LRP5: variants seen among roughly 807,000 people sequenced by gnomAD.
LRP5 encodes low-density lipoprotein receptor-related protein 5.
LRP5 carries 62 observed loss-of-function variants against 154.1 expected under a neutral mutation model. The ratio of observed to expected loss-of-function variants is 0.40; its 90% confidence interval spans 0.33 to 0.50. The LOEUF (loss-of-function observed/expected upper bound fraction) is 0.50. Among genes scored for constraint, LRP5 ranks in the 20% least tolerant of loss-of-function variants. The pLI is 0.55. For synonymous variants in LRP5, 966 were observed against 1,011.5 expected (o/e 0.96, Z 0.85); for missense variants, 1,915 against 2,336.7 (o/e 0.82, Z 3.72).
At chr11:68,404,013 C>T in intron 8 of LRP5, 1 of 487,556 alleles carries the variant, frequency 2.1e-6, no homozygotes, top group Non-Finnish European at 3.8e-6. Context: ...AATGTAGTTC[C>T]TTGCCCTACT....
chr11:68,444,936 C>T (rs1159847694), intron 21 of LRP5, among the ~76,000 whole-genome samples: 3 of 151,992 alleles, frequency 2.0e-5, no homozygotes, highest in Non-Finnish European at 4.4e-5. Context: ...GCTCTCTGGG[C>T]CAAAGAGGAC....
In LRP5 at chr11:68,413,626, C is replaced by A; in HGVS notation, c.2504-63C>A. 3 of 1,467,062 alleles carry A rather than the reference C, an allele frequency of 2.0e-6. No individual in the cohort carries two copies. Among genetic ancestry groups the A allele is most frequent in the Non-Finnish European group, 2.9e-6 (3 of 1,048,834 alleles). 90.9% of individuals were successfully genotyped at this position (1,467,062 alleles called of 1,614,324 possible). On this transcript the variant is annotated intron_variant, in intron 11 of 22. Coordinates refer to ENST00000294304, the MANE Select transcript of LRP5 (RefSeq NM_002335.4). The surrounding 1 kb of genome is among the most constrained non-coding windows in gnomAD (Gnocchi z 5.1). ...TTGAACCCTGGCTCACCCCGCAGGGCGCCGTGTGCTCTGTGGCCTGGCTGT... is the reference window on the plus strand; with the variant it reads ...TTGAACCCTGGCTCACCCCGCAGGGAGCCGTGTGCTCTGTGGCCTGGCTGT...
At chr11:68,438,780 T>A (rs1309377964) in intron 20 of LRP5, 98 bp downstream of exon 20, 5 of 1,023,072 alleles carry the variant, frequency 4.9e-6, no homozygotes, top group Non-Finnish European at 7.3e-6. Context: ...CAGGCCCTCT[T>A]GCACATGTGG....
chr11:68,411,556 C>T lies in LRP5; in HGVS notation c.2439C>T (p.Tyr813=), dbSNP rs970624123. 9.3e-6 allele frequency: 15 copies of T among 1,613,764 alleles called. No homozygotes were observed. The highest frequency in any genetic ancestry group is 4.4e-5 in the South Asian group (4 of 91,086). ...VGRANDLTID[Y]ADQRLYWTDL... The stretch of plus-strand genomic sequence containing the variant: ...GGGCCAACGACCTCACCATTGACTA[C>T]GCTGACCAGCGCCTCTACTGGACCG... Residue 813 remains tyrosine (Y), a synonymous_variant, in exon 11 of 23, where the codon TAC becomes TAT. Transcript: ENST00000294304.
rs139812945 is a variant in LRP5 at position 68,387,622 on chromosome 11, C to T, written c.1412+910C>T. ...AAATCTGTGAAAGCAGATAGTTTGTCGGTCGGTAGGGGAGACTTTCTGAGA... is the reference window on the plus strand; with the variant it reads ...AAATCTGTGAAAGCAGATAGTTTGTTGGTCGGTAGGGGAGACTTTCTGAGA... On this transcript the variant is annotated intron_variant, in intron 6 of 22. Transcript: ENST00000294304. 6.0e-3 allele frequency among the ~76,000 whole-genome samples: 920 copies of T among 152,280 alleles called. 6 individuals are homozygous for T. Among genetic ancestry groups the T allele is most frequent in the Non-Finnish European group, 7.3e-3 (495 of 68,026 alleles).
In LRP5 at chr11:68,423,418, TGCCAGGGG is replaced by T. The variant is rs2098666945; in HGVS notation, c.3028-70_3028-63del. ...ACCAGTGCCCGGGGGTCTCCGCCAG[TGCCAGGGG>T]TCTCCGCCAGTGCCCAGGGGTCTCC... On this transcript the variant is annotated intron_variant, in intron 13 of 22. Coordinates refer to ENST00000294304, the MANE Select transcript of LRP5 (RefSeq NM_002335.4). This position sits in a 1 kb window ranked among gnomAD's most constrained non-coding sequence, Gnocchi z 4.7. The T allele has an allele frequency of 1.4e-6, 2 of 1,441,162 alleles. No homozygotes were observed. The highest frequency in any genetic ancestry group is 2.8e-5 in the African/African-American group (2 of 71,246). 89.3% of individuals were successfully genotyped at this position (1,441,162 alleles called of 1,614,324 possible).
chr11:68,375,163 C>T (rs536539775), intron 5 of LRP5, among the ~76,000 whole-genome samples: 6 of 152,358 alleles, frequency 3.9e-5, no homozygotes, highest in South Asian at 2.1e-4. Context: ...TTGCCCTTTC[C>T]GCATTTGGTG....
chr11:68,422,096 G>GT (rs201853042), intron 13 of LRP5, among the ~76,000 whole-genome samples: 2,794 of 151,658 alleles, frequency 0.018, 96 homozygotes, highest in African/African-American at 0.064. Context: ...CTGAGCTATT[G>GT]TTTTTTTTGT....
chr11:68,364,823 C>T (rs1389805012), intron 4 of LRP5, among the ~76,000 whole-genome samples: 11 of 151,384 alleles, frequency 7.3e-5, no homozygotes, highest in East Asian at 3.9e-4. Flanking sequence ...GTGAGAAAGT[C>T]GTGGTCACAA....
intron 11 of LRP5, among the ~76,000 whole-genome samples, chr11:68,411,873 C>G (rs763050396): frequency 1.3e-5 from 2 of 152,226 alleles, no homozygotes; most frequent in Non-Finnish European, 2.9e-5. Context: ...CTGCTGGGCA[C>G]TAGGTCCCAG....
chr11:68,425,952 C>T, intron 15 of LRP5, 26 bp from the exon 16 acceptor site: 2 of 1,601,388 alleles, frequency 1.2e-6, no homozygotes, highest in Non-Finnish European at 1.7e-6. Context: ...CAGCACTGCT[C>T]AGGGGGGCCC....
chr11:68,341,268 C>T (rs7947068), intron 1 of LRP5, among the ~76,000 whole-genome samples: 7,193 of 151,868 alleles, frequency 0.047, 574 homozygotes, highest in African/African-American at 0.16. Flanking sequence ...AGTTGACATT[C>T]GGTTTTTCAT....
intron 2 of LRP5, 145 bp from the exon 3 acceptor site, chr11:68,357,505 A>T: frequency 1.3e-6 from 1 of 770,216 alleles, no homozygotes; most frequent in Non-Finnish European, 2.3e-6. Flanking sequence ...AGGCAGGAAT[A>T]CCTGAAACCA....
chr11:68,373,131 C>T (rs1395583891), intron 5 of LRP5, among the ~76,000 whole-genome samples: 1 of 152,202 alleles, frequency 6.6e-6, no homozygotes, highest in Non-Finnish European at 1.5e-5. Context: ...TCAGGTGAGA[C>T]TCAAGGGTCC....
At chr11:68,426,611 C>T (rs182534906) in intron 16 of LRP5, among the ~76,000 whole-genome samples, 6 of 151,898 alleles carry the variant, frequency 4.0e-5, no homozygotes, top group East Asian at 1.9e-4. Context: ...TTTGTAGAGA[C>T]GGGGTTTCCC....
intron 2 of LRP5, among the ~76,000 whole-genome samples, chr11:68,349,065 C>T (rs995796992): frequency 3.5e-5 from 5 of 142,890 alleles, no homozygotes; most frequent in Non-Finnish European, 7.6e-5. Context: ...ATGGAGTCTC[C>T]CTTGTTGCCC....
chr11:68,416,415 C>G lies in LRP5; in HGVS notation c.2915C>G (p.Pro972Arg). 4 of 1,614,170 alleles carry G rather than the reference C, an allele frequency of 2.5e-6. No homozygotes were observed. Among genetic ancestry groups the G allele is most frequent in the Non-Finnish European group, 3.4e-6 (4 of 1,180,042 alleles). ...CAGCACAGCCCGGATCTCATCCTGC[C>G]CCTGCATGGACTGAGGAACGTCAAA... ...DDQHSPDLILPLHGLRNVKAI... is the reference protein window; with the variant it reads ...DDQHSPDLILRLHGLRNVKAI... Residue 972 changes from proline to arginine, a missense_variant, in exon 13 of 23, where the codon CCC becomes CGC. Around this residue, in one of 3 missense-constraint regions of LRP5, gnomAD observed 1,094 missense variants for 1,210.1 expected, o/e 0.90. Coordinates refer to ENST00000294304, the MANE Select transcript of LRP5 (RefSeq NM_002335.4).
chr11:68,445,593 G>T, intron 21 of LRP5: 1 of 1,316,846 alleles, frequency 7.6e-7, no homozygotes, highest in Non-Finnish European at 1.0e-6. Flanking sequence ...CTGGCTGTAT[G>T]CTTTCCAGGA....
intron 5 of LRP5, among the ~76,000 whole-genome samples, chr11:68,383,712 G>A (rs867217959): frequency 6.6e-6 from 1 of 152,256 alleles, no homozygotes; most frequent in Non-Finnish European, 1.5e-5. Flanking sequence ...ACCCCAGTGA[G>A]GGTGGCGCCC....
Sources: gnomAD v4.1 joint callset for allele counts (sites outside exome capture counted in the v4.1 genomes callset) on GRCh38, gnomAD v4.1.1 for gene constraint, gnomAD v4.1.1 regional missense constraint, Gnocchi (gnomAD v3.1) non-coding constraint, MANE v1.5 for transcripts, NCBI Gene and HGNC (gene_info 2026-07-23, HGNC 2026-07-21) for gene names.